Variants in DNAH10 observed in about 807,000 individuals in gnomAD.
DNAH10 encodes the protein axonemal beta dynein heavy chain 10.
In DNAH10, 348 loss-of-function variants were observed where a neutral mutation model predicts 506.6. The ratio of observed to expected loss-of-function variants is 0.69; its 90% CI spans 0.63 to 0.75. DNAH10 has a LOEUF of 0.75. Ranked by LOEUF, DNAH10 falls within the 30% of genes least tolerant of loss-of-function variation. The pLI is 0.00. For missense variants in DNAH10, 5,179 were observed against 5,787.1 expected, an observed-to-expected ratio of 0.89 and a Z score of 3.41; for synonymous variants, 2,059 against 2,198.6, an observed-to-expected ratio of 0.94 and a Z score of 1.78.
In DNAH10 at chr12:123,907,295, A is replaced by AG. The variant is rs1310616701; in HGVS notation, c.9816-1962dup. Among the ~76,000 whole-genome samples, 1 of 152,222 alleles carries AG rather than the reference A, an allele frequency of 6.6e-6. No homozygotes were observed. The highest frequency in any genetic ancestry group is 1.5e-5 in the Non-Finnish European group (1 of 68,024). On this transcript the variant is annotated intron_variant, in intron 57 of 78. Coordinates refer to ENST00000673944, the MANE Select transcript of DNAH10 (RefSeq NM_001372106.1). This position sits in a 1 kb window ranked among gnomAD's most constrained non-coding sequence, Gnocchi z 4.4. Reference sequence around the variant, plus strand: ...AAAAAGCAGAGACAGCTGGTGTGTCAGGGGTAGAGTACTGGGAGGTGGGGA... The same window carrying AG: ...AAAAAGCAGAGACAGCTGGTGTGTCAGGGGGTAGAGTACTGGGAGGTGGGGA...
chr12:123,894,527 G>A (rs1345774636), intron 53 of DNAH10, 116 bp from the exon 54 acceptor site: 1 of 875,496 alleles, frequency 1.1e-6, no homozygotes, highest in Admixed American at 2.3e-5. Context: ...CAAAGTGCTG[G>A]GATTACAGGT....
At chr12:123,804,780 T>C in intron 17 of DNAH10, 53 bp from the exon 18 acceptor site, 1 of 1,552,876 alleles carries the variant, frequency 6.4e-7, no homozygotes, top group Non-Finnish European at 8.8e-7. Context: ...GCCTTTTGAG[T>C]GCTGTCCTTC....
intron 18 of DNAH10, among the ~76,000 whole-genome samples, chr12:123,805,877 T>C (rs565031143): frequency 8.2e-4 from 124 of 151,494 alleles, no homozygotes; most frequent in African/African-American, 2.4e-3. Flanking sequence ...CCCGGGTTCA[T>C]GCCATTCTCC....
chr12:123,873,675 C>T lies in DNAH10; in HGVS notation c.7903C>T (p.Leu2635=), dbSNP rs774088891. ...DTYGPPMGKR[L]LVFMDDMNMP... Reference sequence around the variant, plus strand: ...TTACGGCCCACCCATGGGAAAACGCCTGCTGGTGTTCATGGATGACATGAA... The same window carrying T: ...TTACGGCCCACCCATGGGAAAACGCTTGCTGGTGTTCATGGATGACATGAA... Residue 2635 remains leucine (L), a synonymous_variant, in exon 46 of 79, where the codon CTG becomes TTG. Transcript: ENST00000673944. 2 of 1,612,742 alleles carry T rather than the reference C, an allele frequency of 1.2e-6. No homozygotes were observed. Among genetic ancestry groups the T allele is most frequent in the Admixed American group, 1.7e-5 (1 of 59,792 alleles).
At chr12:123,847,812 A>G in intron 32 of DNAH10, 149 bp from the exon 33 acceptor site, 1 of 1,032,476 alleles carries the variant, frequency 9.7e-7, no homozygotes, top group East Asian at 2.5e-5. Context: ...CTACCTGGGC[A>G]TCCTGTGGCC....
intron 57 of DNAH10, among the ~76,000 whole-genome samples, chr12:123,906,207 C>T (rs898665663): frequency 6.6e-6 from 1 of 151,278 alleles, no homozygotes; most frequent in Non-Finnish European, 1.5e-5. Context: ...GCTGGGATTA[C>T]AGGAGTGAGC....
intron 54 of DNAH10, among the ~76,000 whole-genome samples, chr12:123,896,189 A>G (rs902561830): frequency 1.3e-5 from 2 of 149,078 alleles, no homozygotes; most frequent in East Asian, 2.0e-4. Context: ...AGAGAGAGAG[A>G]GAGAGAATAT....
intron 5 of DNAH10, among the ~76,000 whole-genome samples, chr12:123,779,049 AC>A (rs1957545722): frequency 1.3e-5 from 2 of 151,854 alleles, no homozygotes. Flanking sequence ...AGAGAGAGGC[AC>A]CCGCCACCAC....
In DNAH10 at chr12:123,818,872, G is replaced by C; in HGVS notation, c.3781-78G>C. 5 of 962,952 alleles carry C rather than the reference G, an allele frequency of 5.2e-6. No individual in the cohort carries two copies. In the South Asian group the frequency reaches 7.5e-5, roughly 14 times the overall value. The allele number at this position is 962,952 out of a possible 1,614,324, so 59.7% of individuals were successfully genotyped here. On this transcript the variant is annotated intron_variant, in intron 21 of 78. Transcript: ENST00000673944. ...TTGCCACAAGCAGAAGTCCCTGGGA[G>C]GTAACTTTGACCATCAATTTCAATT...
At chr12:123,836,857 TC>T (rs1961182169) in intron 28 of DNAH10, among the ~76,000 whole-genome samples, 1 of 149,896 alleles carries the variant, frequency 6.7e-6, no homozygotes, top group Non-Finnish European at 1.5e-5. Flanking sequence ...TGTCTCTCTC[TC>T]TTTTTTTTTT....
chr12:123,877,493 T>C (rs569245258), intron 47 of DNAH10, among the ~76,000 whole-genome samples: 11 of 152,290 alleles, frequency 7.2e-5, no homozygotes, highest in African/African-American at 2.4e-4. Flanking sequence ...TATATTTTAT[T>C]TTAATAGAGA....
chr12:123,811,830 G>T (rs1398532910), intron 19 of DNAH10, among the ~76,000 whole-genome samples: 1 of 151,768 alleles, frequency 6.6e-6, no homozygotes, highest in Non-Finnish European at 1.5e-5. Flanking sequence ...GTAGAGACAG[G>T]GTTTCGCTAT....
Position 123,838,627 on chromosome 12 carries a change from G to A in DNAH10, c.5074G>A (p.Asp1692Asn), listed in dbSNP as rs374479843. 2.3e-5 allele frequency: 37 copies of A among 1,613,884 alleles called. No individual in the cohort carries two copies. Among genetic ancestry groups the A allele is most frequent in the Non-Finnish European group, 2.8e-5 (33 of 1,179,896 alleles). ...AFPRFFFISDDELLSILGSSD... is the reference protein window; with the variant it reads ...AFPRFFFISDNELLSILGSSD... ...CCCAAGGTTCTTCTTCATTTCTGACGATGAGTTGCTTAGCATTCTGGGGAG... is the reference window on the plus strand; with the variant it reads ...CCCAAGGTTCTTCTTCATTTCTGACAATGAGTTGCTTAGCATTCTGGGGAG... The change falls in exon 29 of 79, where the codon GAT (aspartate) becomes AAT (asparagine). Residue 1692 changes from aspartate (D) to asparagine (N), a missense_variant. Coordinates refer to ENST00000673944, the MANE Select transcript of DNAH10 (RefSeq NM_001372106.1).
chr12:123,924,508 C>T (rs956330215), intron 67 of DNAH10, 76 bp downstream of exon 67: 5 of 1,546,144 alleles, frequency 3.2e-6, no homozygotes, highest in Non-Finnish European at 4.4e-6. Context: ...GTGGCCCAAC[C>T]CCTTAAGAGA....
Position 123,859,281 on chromosome 12 carries a change from T to C in DNAH10, c.6749+13T>C, listed in dbSNP as rs1330291074. On this transcript the variant is annotated intron_variant, in intron 38 of 78. Transcript: ENST00000673944. Reference sequence around the variant, plus strand: ...AGGCCCAGACCAAGTGAGTATGACCTCCGTAGGGAGGGCCTGGCTGCCACA... The same window carrying C: ...AGGCCCAGACCAAGTGAGTATGACCCCCGTAGGGAGGGCCTGGCTGCCACA... 6.4e-7 allele frequency: 1 copy of C among 1,562,110 alleles called. No individual in the cohort carries two copies. Among genetic ancestry groups the C allele is most frequent in the Non-Finnish European group, 8.6e-7 (1 of 1,157,240 alleles).
chr12:123,803,771 G>C lies in DNAH10; in HGVS notation c.2725G>C (p.Glu909Gln). ...DDISSRLTLI[E>Q]AINLFKYPAA... Reference sequence around the variant, plus strand: ...CATTTCTTCCAGGCTGACATTAATAGAGGCCATAAATCTCTTTAAATATCC... The same window carrying C: ...CATTTCTTCCAGGCTGACATTAATACAGGCCATAAATCTCTTTAAATATCC... Residue 909 changes from glutamate (E) to glutamine (Q), a missense_variant, in exon 17 of 79, where the codon GAG becomes CAG. Glu to Gln is a conservative substitution (Grantham distance 29). Coordinates refer to ENST00000673944, the MANE Select transcript of DNAH10 (RefSeq NM_001372106.1). 1.2e-6 allele frequency: 2 copies of C among 1,612,190 alleles called. No homozygotes were observed. Among genetic ancestry groups the C allele is most frequent in the Non-Finnish European group, 1.7e-6 (2 of 1,179,648 alleles).
At chr12:123,793,672 A>G (rs1310208832) in intron 11 of DNAH10, among the ~76,000 whole-genome samples, 2 of 152,132 alleles carry the variant, frequency 1.3e-5, no homozygotes, top group Non-Finnish European at 2.9e-5. Context: ...AAATTCCTGA[A>G]CTATTTCCTC....
At chr12:123,832,967 C>T (rs982142735) in intron 26 of DNAH10, 147 bp from the exon 27 acceptor site, 6 of 632,866 alleles carry the variant, frequency 9.5e-6, no homozygotes, top group African/African-American at 7.3e-5. Flanking sequence ...CAATTATTAC[C>T]ATGACAGAAT....
intron 37 of DNAH10, among the ~76,000 whole-genome samples, chr12:123,857,852 C>T (rs1951458957): frequency 6.6e-6 from 1 of 152,172 alleles, no homozygotes; most frequent in Non-Finnish European, 1.5e-5. Flanking sequence ...AACCCTACAC[C>T]CGTTAACAGC....
Sources: allele counts gnomAD v4.1 joint callset (sites outside exome capture counted in the v4.1 genomes callset), GRCh38; gene constraint gnomAD v4.1.1; non-coding constraint Gnocchi (gnomAD v3.1); transcripts MANE v1.5; gene names NCBI Gene and HGNC (gene_info 2026-07-23, HGNC 2026-07-21).